The following GBP6 variants were observed in gnomAD, a reference collection of about 807,000 sequenced individuals.
GBP6 encodes guanylate-binding protein 6.
In GBP6, 54 loss-of-function variants were observed where a neutral mutation model predicts 61.5. The observed-to-expected ratio is 0.88, with a 90% CI of 0.71 to 1.10. The LOEUF is 1.10. Ranked by LOEUF, GBP6 falls within the 50% of genes least tolerant of loss-of-function variation. The pLI, the probability that GBP6 is intolerant of heterozygous loss-of-function variation, is 0.00. For synonymous variants in GBP6, 255 were observed against 273.7 expected, an observed-to-expected ratio of 0.93 and a Z score of 0.67; for missense variants, 748 against 752.8, an observed-to-expected ratio of 0.99 and a Z score of 0.07.
rs1176203343 is a variant in GBP6 at position 89,370,377 on chromosome 1, G to C, written c.318+704G>C. ...GAGTACATTTGAGGGTTGGAATTAG[G>C]AGAGTTCAGTTTATATTTCTCATGA... On this transcript the variant is annotated intron_variant, in intron 3 of 10. Transcript: ENST00000370456. Among the ~76,000 whole-genome samples, 4 of 152,298 alleles carry C rather than the reference G, an allele frequency of 2.6e-5. No individual in the cohort carries two copies. The East Asian group carries it at 7.7e-4, about 29-fold the overall frequency.
intron 5 of GBP6, 32 bp from the exon 6 acceptor site, chr1:89,380,354 C>T (rs1477676411): frequency 6.5e-7 from 1 of 1,550,296 alleles, no homozygotes; most frequent in Non-Finnish European, 8.7e-7. Context: ...AGACTGTTTT[C>T]ACTATATTCT....
rs1285767707 is a variant in GBP6, at chr1:89,382,791, C to G, written c.1280C>G (p.Ser427Cys). 1.9e-6 allele frequency: 3 copies of G among 1,613,996 alleles called. No individual in the cohort carries two copies. Among genetic ancestry groups the G allele is most frequent in the Admixed American group, 3.3e-5 (2 of 60,012 alleles). ...LMESISAGSF[S>C]VPGGHKLYME... ...GAAAGTATCTCAGCAGGAAGTTTCT[C>G]TGTTCCTGGAGGGCACAAGCTCTAC... The change falls in exon 8 of 11, where the codon TCT becomes TGT. Residue 427 changes from serine (S) to cysteine (C), a missense_variant. Coordinates refer to ENST00000370456, the MANE Select transcript of GBP6 (RefSeq NM_198460.3).
At chr1:89,385,197 A>T in intron 10 of GBP6, 33 bp from the exon 11 acceptor site, 1 of 1,576,640 alleles carries the variant, frequency 6.3e-7, no homozygotes, top group Non-Finnish European at 8.6e-7. Context: ...AGGGATTTTT[A>T]AAAATTTACT....
At chr1:89,381,427 A>G (rs1478805449) in intron 6 of GBP6, among the ~76,000 whole-genome samples, 3 of 152,138 alleles carry the variant, frequency 2.0e-5, no homozygotes, top group Non-Finnish European at 2.9e-5. Flanking sequence ...TTTAAATGAG[A>G]AATTGTACTT....
intron 1 of GBP6, among the ~76,000 whole-genome samples, chr1:89,364,878 C>T (rs1470251867): frequency 1.3e-5 from 2 of 151,380 alleles, no homozygotes; most frequent in Non-Finnish European, 2.9e-5. Context: ...TTTGCTGCAC[C>T]TATCAATCCG....
intron 1 of GBP6, among the ~76,000 whole-genome samples, chr1:89,364,716 G>A (rs978844666): frequency 6.6e-6 from 1 of 150,406 alleles, no homozygotes; most frequent in Non-Finnish European, 1.5e-5. Context: ...AGAGTCTCTT[G>A]TAGCTCTTGC....
intron 3 of GBP6, among the ~76,000 whole-genome samples, chr1:89,370,982 C>T (rs1652618317): frequency 6.6e-6 from 1 of 152,160 alleles, no homozygotes; most frequent in African/African-American, 2.4e-5. Context: ...CTGTCACCAA[C>T]ATTTCTTCAT....
intron 1 of GBP6, among the ~76,000 whole-genome samples, chr1:89,366,845 A>G (rs1240345817): frequency 6.6e-6 from 1 of 152,254 alleles, no homozygotes; most frequent in Non-Finnish European, 1.5e-5. Flanking sequence ...CCCCCAGCCC[A>G]TGGTAGCTAC....
chr1:89,366,315 C>T (rs1652465513), intron 1 of GBP6, among the ~76,000 whole-genome samples: 1 of 152,172 alleles, frequency 6.6e-6, no homozygotes, highest in Non-Finnish European at 1.5e-5. Context: ...CCTGACCCTT[C>T]TAGGCTACGT....
At chr1:89,381,266 CAAAAAAAAAAA>C (rs769164915) in intron 6 of GBP6, among the ~76,000 whole-genome samples, 3 of 51,218 alleles carry the variant, frequency 5.9e-5, no homozygotes, top group Non-Finnish European at 8.4e-5. Flanking sequence ...GCCTGGGCCT[CAAAAAAAAAAA>C]AAAAAAAAAA....
In GBP6 at chr1:89,386,270, C is replaced by T. The variant is rs1160897777; in HGVS notation, c.*801C>T. On this transcript the variant is annotated 3_prime_UTR_variant, in exon 11 of 11. Coordinates refer to ENST00000370456, the MANE Select transcript of GBP6 (RefSeq NM_198460.3). ...CAAATATATCTCTGGAAAGATTAAT[C>T]AAAATCTATTATTATTGGCTCCTTC... 6.6e-6 allele frequency: 1 copy of T among 151,860 alleles called. No individual in the cohort carries two copies. The highest frequency in any genetic ancestry group is 1.5e-5 in the Non-Finnish European group (1 of 67,978). The allele number at this position is 151,860 out of a possible 1,614,324, so 9.4% of individuals were successfully genotyped here. A position where few individuals can be genotyped will look rare whatever the true frequency, so the allele number is the denominator to read the frequency against.
intron 8 of GBP6, 70 bp from the exon 9 acceptor site, chr1:89,383,581 TG>T (rs1322232641): frequency 1.8e-6 from 2 of 1,109,144 alleles, no homozygotes; most frequent in African/African-American, 3.2e-5. Context: ...AGACCATAAT[TG>T]TTCTTGCAAC....
At chr1:89,384,979 T>G (rs1466314818) in intron 10 of GBP6, among the ~76,000 whole-genome samples, 2 of 152,212 alleles carry the variant, frequency 1.3e-5, no homozygotes, top group East Asian at 3.8e-4. Flanking sequence ...CTGGCATCTT[T>G]TGGGCAGGAA....
intron 3 of GBP6, among the ~76,000 whole-genome samples, chr1:89,373,365 T>C (rs143838738): frequency 0.033 from 4,966 of 152,214 alleles, 283 homozygotes; most frequent in African/African-American, 0.11. Context: ...CACATGCACA[T>C]GTATGTTTAT....
chr1:89,371,123 C>T (rs1272215442), intron 3 of GBP6, among the ~76,000 whole-genome samples: 1 of 152,188 alleles, frequency 6.6e-6, no homozygotes. Context: ...ACTTATTTCA[C>T]TTAGCATAAC....
At chr1:89,371,071 A>C (rs925334422) in intron 3 of GBP6, among the ~76,000 whole-genome samples, 4 of 152,218 alleles carry the variant, frequency 2.6e-5, no homozygotes, top group African/African-American at 9.6e-5. Flanking sequence ...TTTAGATTCC[A>C]CAAATAGGTG....
intron 3 of GBP6, among the ~76,000 whole-genome samples, chr1:89,377,898 C>G (rs1309884400): frequency 6.6e-6 from 1 of 152,030 alleles, no homozygotes; most frequent in Non-Finnish European, 1.5e-5. Context: ...AAAGAAAAAC[C>G]CTATGAAGAT....
At position 89,387,211 on chromosome 1, in the gene GBP6, C is replaced by A. The variant is rs1034405878; in HGVS notation, c.*1742C>A. Among the ~76,000 whole-genome samples the A allele has an allele frequency of 3.9e-5, 6 of 152,066 alleles. No individual in the cohort carries two copies. The highest frequency in any genetic ancestry group is 8.8e-5 in the Non-Finnish European group (6 of 68,012). On this transcript the variant is annotated 3_prime_UTR_variant, in exon 11 of 11. Transcript: ENST00000370456. ...TTCTCCTCCTAGGAAACGTCTGGAG[C>A]CATTTACTAGATATCCATATACTAG...
At chr1:89,369,757 T>G in intron 3 of GBP6, 84 bp downstream of exon 3, 1 of 1,473,008 alleles carries the variant, frequency 6.8e-7, no homozygotes, top group South Asian at 1.5e-5. Context: ...TTGTGCAAAC[T>G]AGAAATCCAA....
Sources: gnomAD v4.1 joint callset for allele counts (sites outside exome capture counted in the v4.1 genomes callset) on GRCh38, gnomAD v4.1.1 for gene constraint, MANE v1.5 for transcripts, NCBI Gene and HGNC (gene_info 2026-07-23, HGNC 2026-07-21) for gene names.